Variants in STRN3 observed in about 807,000 individuals in gnomAD.
The protein encoded by STRN3 is striatin-3.
STRN3 carries 29 observed loss-of-function variants against 95.6 expected under a neutral mutation model. That is an observed-to-expected ratio of 0.30 (90% CI 0.23 to 0.41). The LOEUF (loss-of-function observed/expected upper bound fraction) is 0.41. Ranked by LOEUF, STRN3 falls within the 10% of genes least tolerant of loss-of-function variation. STRN3 has a pLI of 1.00. For synonymous variants in STRN3, 331 were observed against 357.6 expected, an observed-to-expected ratio of 0.93 and a Z score of 0.84; for missense variants, 890 against 972.1, an observed-to-expected ratio of 0.92 and a Z score of 1.12.
chr14:30,908,720 A>G (rs1481759546), intron 13 of STRN3, among the ~76,000 whole-genome samples: 1 of 151,958 alleles, frequency 6.6e-6, no homozygotes, highest in Non-Finnish European at 1.5e-5. Context: ...ACACCTCCTC[A>G]GTTTCCTTTC....
intron 1 of STRN3, among the ~76,000 whole-genome samples, chr14:30,976,408 A>T (rs1881106473): frequency 1.3e-5 from 2 of 152,312 alleles, no homozygotes; most frequent in South Asian, 4.1e-4. Context: ...TGAGAAATAC[A>T]TGAATCCACT....
At chr14:30,963,816 T>C (rs1237335188) in intron 1 of STRN3, among the ~76,000 whole-genome samples, 2 of 152,152 alleles carry the variant, frequency 1.3e-5, no homozygotes, top group Non-Finnish European at 2.9e-5. Context: ...CACAAATTTA[T>C]GGAAATTAAA....
At chr14:31,020,607 T>C (rs1883459616) in intron 1 of STRN3, among the ~76,000 whole-genome samples, 1 of 152,138 alleles carries the variant, frequency 6.6e-6, no homozygotes, top group Non-Finnish European at 1.5e-5. Flanking sequence ...GCTAATTTGT[T>C]GTAACATTTT....
rs567138983 is a variant in STRN3 at position 30,997,785 on chromosome 14, G to A, written c.282+28119C>T. Among the ~76,000 whole-genome samples the A allele has an allele frequency of 3.9e-5, 6 of 152,266 alleles. No individual in the cohort carries two copies. The South Asian group carries it at 1.0e-3, about 26-fold the overall frequency. ...TCCTTATTAAGGGTTGCTATTACGA[G>A]CCTCCTTGACTTCCAATGACACAGA... On this transcript the variant is annotated intron_variant, in intron 1 of 17. Transcript: ENST00000357479.
intron 1 of STRN3, among the ~76,000 whole-genome samples, chr14:30,968,774 G>A (rs1880678671): frequency 6.6e-6 from 1 of 150,906 alleles, no homozygotes; most frequent in Non-Finnish European, 1.5e-5. Context: ...GGTTATAAAA[G>A]GAAATTTATG....
chr14:30,911,917 T>G, intron 11 of STRN3, 90 bp downstream of exon 11: 1 of 1,558,530 alleles, frequency 6.4e-7, no homozygotes. Context: ...ATCAAATGTG[T>G]GCATTAAAGA....
chr14:30,905,068 C>T (rs1233346222), intron 15 of STRN3, among the ~76,000 whole-genome samples: 3 of 151,992 alleles, frequency 2.0e-5, no homozygotes, highest in Non-Finnish European at 4.4e-5. Flanking sequence ...TATGTGATCC[C>T]TATCTAAATA....
At chr14:30,964,340 A>G (rs1320351056) in intron 1 of STRN3, 1 of 152,292 alleles carries the variant, frequency 6.6e-6, no homozygotes, top group Non-Finnish European at 1.5e-5. Flanking sequence ...TTCTTCTAGC[A>G]ATTTCCATAC....
intron 1 of STRN3, among the ~76,000 whole-genome samples, chr14:30,977,926 T>G (rs1881194419): frequency 6.6e-6 from 1 of 152,040 alleles, no homozygotes; most frequent in Non-Finnish European, 1.5e-5. Context: ...GTGGACCAAT[T>G]CCTTGAAAGA....
In STRN3 at chr14:30,928,970, C is replaced by T. The variant is rs531707881; in HGVS notation, c.1099+231G>A. Among the ~76,000 whole-genome samples the T allele has an allele frequency of 6.6e-5, 10 of 152,066 alleles. No homozygotes were observed. In the South Asian group the frequency reaches 1.9e-3, roughly 28 times the overall value. On this transcript the variant is annotated intron_variant, in intron 8 of 17. Coordinates refer to ENST00000357479, the MANE Select transcript of STRN3 (RefSeq NM_001083893.2). ...AAAGTTTTTAAAGCTTAAAAACAAT[C>T]CTCAAAATCTTTCCTTTACCCTTCT...
At chr14:30,965,810 G>T (rs938729211) in intron 1 of STRN3, among the ~76,000 whole-genome samples, 10 of 151,306 alleles carry the variant, frequency 6.6e-5, no homozygotes, top group Non-Finnish European at 1.5e-4. Flanking sequence ...AAGTGCATGG[G>T]GCCAGACATC....
chr14:30,894,584 G>C lies in STRN3; in HGVS notation c.*827C>G, dbSNP rs1285441001. On this transcript the variant is annotated 3_prime_UTR_variant, in exon 18 of 18. Coordinates refer to ENST00000357479, the MANE Select transcript of STRN3 (RefSeq NM_001083893.2). ...TTCATTTGGAGTACTAAACCCCACT[G>C]TTTCATTTTAATACACTTAATAGTC... 6.5e-6 allele frequency: 1 copy of C among 153,102 alleles called. No individual in the cohort carries two copies. The highest frequency in any genetic ancestry group is 1.5e-5 in the Non-Finnish European group (1 of 68,464). The allele number at this position is 153,102 out of a possible 1,614,324, so 9.5% of individuals were successfully genotyped here.
intron 8 of STRN3, among the ~76,000 whole-genome samples, chr14:30,924,312 T>C (rs1347834949): frequency 6.9e-6 from 1 of 145,424 alleles, no homozygotes; most frequent in Non-Finnish European, 1.5e-5. Flanking sequence ...TTTTTTGAGA[T>C]GGTCTCCCTC....
At chr14:30,988,455 C>T (rs1308817474) in intron 1 of STRN3, among the ~76,000 whole-genome samples, 1 of 152,084 alleles carries the variant, frequency 6.6e-6, no homozygotes, top group Admixed American at 6.5e-5. Flanking sequence ...ATTTACTCAA[C>T]GAACATATAC....
chr14:30,899,265 T>C (rs987637067), intron 16 of STRN3, among the ~76,000 whole-genome samples: 1 of 152,230 alleles, frequency 6.6e-6, no homozygotes, highest in Non-Finnish European at 1.5e-5. Context: ...ACTCACTACC[T>C]AAGTCTTTCA....
intron 1 of STRN3, among the ~76,000 whole-genome samples, chr14:30,968,055 C>A (rs1028303358): frequency 2.0e-5 from 3 of 152,044 alleles, no homozygotes; most frequent in Admixed American, 2.0e-4. Flanking sequence ...AAAGTACTTA[C>A]AAAACTAGGA....
intron 5 of STRN3, among the ~76,000 whole-genome samples, chr14:30,937,980 C>T (rs900629142): frequency 6.6e-6 from 1 of 152,054 alleles, no homozygotes; most frequent in Non-Finnish European, 1.5e-5. Flanking sequence ...GCACATTCTC[C>T]CTGTAGTATA....
At chr14:30,988,157 C>A (rs1266108545) in intron 1 of STRN3, among the ~76,000 whole-genome samples, 3 of 152,140 alleles carry the variant, frequency 2.0e-5, no homozygotes, top group Non-Finnish European at 2.9e-5. Flanking sequence ...TCCAAACATT[C>A]AATAAATGTT....
At chr14:30,930,932 A>C (rs1039326117) in intron 7 of STRN3, among the ~76,000 whole-genome samples, 1 of 152,108 alleles carries the variant, frequency 6.6e-6, no homozygotes, top group Non-Finnish European at 1.5e-5. Flanking sequence ...CACAGAGACC[A>C]AAAAAACCCT....
Sources: gnomAD v4.1 joint callset for allele counts (sites outside exome capture counted in the v4.1 genomes callset) on GRCh38, gnomAD v4.1.1 for gene constraint, MANE v1.5 for transcripts, NCBI Gene and HGNC (gene_info 2026-07-23, HGNC 2026-07-21) for gene names.